RLN2: variants seen among roughly 807,000 people sequenced by gnomAD.
RLN2 encodes the protein relaxin 2.
A neutral mutation model predicts 7.3 loss-of-function variants in RLN2; 10 were observed. That is an observed-to-expected ratio of 1.36 (90% confidence interval 0.84 to 2.31). RLN2 has a LOEUF of 2.31. RLN2 is among the 30% of genes most tolerant of loss of function. The pLI, the probability that RLN2 is intolerant of heterozygous loss-of-function variation, is 0.00. For missense variants in RLN2, 298 were observed against 217.6 expected (o/e 1.37, Z -2.32); for synonymous variants, 103 against 82.3 (o/e 1.25, Z -1.36).
chr9:5,335,023 C>T, the RLN2 span: 1 of 397,664 alleles, frequency 2.5e-6, no homozygotes, highest in Non-Finnish European at 4.4e-6. Context: ...AAAGAATCAA[C>T]ACAATTATAC....
chr9:5,304,707 C>A lies in RLN2; in HGVS notation c.-127G>T, dbSNP rs537970949. The A allele has an allele frequency of 1.3e-5, 12 of 941,920 alleles. No individual in the cohort carries two copies. The South Asian group carries it at 1.4e-4, about 11-fold the overall frequency. The allele number at this position is 941,920 out of a possible 1,614,324, so 58.3% of individuals were successfully genotyped here. On this transcript the variant is annotated 5_prime_UTR_variant, in exon 1 of 2. Coordinates refer to ENST00000381627, the MANE Select transcript of RLN2 (RefSeq NM_134441.3). ...GGCTGCTTTCCCTACCCGGCTCAAG[C>A]GGTCTTTTGTATCCCTTGGGCTATC...
chr9:5,322,060 C>T, the RLN2 span, among the ~76,000 whole-genome samples: 8 of 151,988 alleles, frequency 5.3e-5, no homozygotes, highest in East Asian at 1.9e-4. Flanking sequence ...TGCCCAAATC[C>T]GAATGGATGG....
chr9:5,328,107 CTTCTCCTAGCTAAAGGAG>C, the RLN2 span, among the ~76,000 whole-genome samples: 23 of 151,940 alleles, frequency 1.5e-4, no homozygotes, highest in Admixed American at 2.0e-4. Context: ...TAATAACAAA[CTTCTCCTAGCTAAAGGAG>C]CATGTTCTAA....
chr9:5,304,201 C>T, intron 1 of RLN2, 169 bp downstream of exon 1: 1 of 534,646 alleles, frequency 1.9e-6, no homozygotes, highest in South Asian at 2.1e-5. Context: ...AATCACCTGG[C>T]AAAGGAAAAG....
At position 5,304,583 on chromosome 9, in the gene RLN2, T is replaced by A; in HGVS notation, c.-3A>T. The A allele has an allele frequency of 6.2e-7, 1 of 1,613,566 alleles. No homozygotes were observed. The highest frequency in any genetic ancestry group is 8.5e-7 in the Non-Finnish European group (1 of 1,179,672). ...TGGAAAAAAAACAGGCGAGGCATCCTGGGCCTGGTCTCTCCTGGAGGTCGG... is the reference window on the plus strand; with the variant it reads ...TGGAAAAAAAACAGGCGAGGCATCCAGGGCCTGGTCTCTCCTGGAGGTCGG... On this transcript the variant is annotated 5_prime_UTR_variant, in exon 1 of 2. Coordinates refer to ENST00000381627, the MANE Select transcript of RLN2 (RefSeq NM_134441.3).
At chr9:5,323,925 G>T in the RLN2 span, among the ~76,000 whole-genome samples, 1 of 151,952 alleles carries the variant, frequency 6.6e-6, no homozygotes, top group East Asian at 1.9e-4. Context: ...ATATGTGCCT[G>T]TAGTCCCAGC....
At chr9:5,335,630 G>A in the RLN2 span, 2 of 1,389,736 alleles carry the variant, frequency 1.4e-6, no homozygotes, top group Non-Finnish European at 2.0e-6. Flanking sequence ...GTATGTGAAG[G>A]CGTATTCACG....
chr9:5,324,559 C>T, the RLN2 span, among the ~76,000 whole-genome samples: 1 of 151,926 alleles, frequency 6.6e-6, no homozygotes, highest in African/African-American at 2.4e-5. Flanking sequence ...TATACTTGAA[C>T]TGAACCTAAC....
the RLN2 span, among the ~76,000 whole-genome samples, chr9:5,336,429 G>A: frequency 6.6e-6 from 1 of 152,046 alleles, no homozygotes; most frequent in African/African-American, 2.4e-5. Context: ...CTGGCCAAAT[G>A]TGAAGGCTGG....
At chr9:5,306,107 TTG>T (rs1438787295), upstream of RLN2, among the ~76,000 whole-genome samples, 217 of 139,186 alleles carry the variant, frequency 1.6e-3, 5 homozygotes, top group African/African-American at 5.8e-3. Flanking sequence ...TTTTTGTTTT[TTG>T]TTTTTTTTTT....
the RLN2 span, among the ~76,000 whole-genome samples, chr9:5,313,995 G>A: frequency 6.6e-6 from 1 of 151,908 alleles, no homozygotes; most frequent in Non-Finnish European, 1.5e-5. Context: ...GTAAGGAAGA[G>A]GACCACAGCA....
chr9:5,320,835 T>C, the RLN2 span, among the ~76,000 whole-genome samples: 4 of 152,122 alleles, frequency 2.6e-5, no homozygotes, highest in Non-Finnish European at 5.9e-5. Context: ...CTAGCTACTC[T>C]GTGCTGGAAG....
At chr9:5,302,918 TTTCA>T (rs2130992301) in intron 1 of RLN2, among the ~76,000 whole-genome samples, 1 of 146,958 alleles carries the variant, frequency 6.8e-6, no homozygotes, top group Non-Finnish European at 1.5e-5. Flanking sequence ...TTTAATATAA[TTTCA>T]TTTTCTCATA....
the RLN2 span, among the ~76,000 whole-genome samples, chr9:5,330,293 C>A: frequency 6.6e-6 from 1 of 151,860 alleles, no homozygotes; most frequent in South Asian, 2.1e-4. Flanking sequence ...ACTAAATGCC[C>A]ATAAAAGAAA....
chr9:5,305,917 G>A (rs1816239167), upstream of RLN2, among the ~76,000 whole-genome samples: 1 of 151,928 alleles, frequency 6.6e-6, no homozygotes, highest in Non-Finnish European at 1.5e-5. Context: ...GAGATGGTCA[G>A]ATGCAATCAA....
At chr9:5,323,418 T>G in the RLN2 span, among the ~76,000 whole-genome samples, 1 of 152,026 alleles carries the variant, frequency 6.6e-6, no homozygotes, top group Non-Finnish European at 1.5e-5. Flanking sequence ...AACAAATTCC[T>G]TGTCATCATC....
At chr9:5,337,842 T>C in the RLN2 span, among the ~76,000 whole-genome samples, 1,762 of 152,162 alleles carry the variant, frequency 0.012, 26 homozygotes, top group Non-Finnish European at 0.017. Context: ...AATATCTATA[T>C]ACAAATGTGA....
chr9:5,316,906 A>G, the RLN2 span, among the ~76,000 whole-genome samples: 1 of 152,118 alleles, frequency 6.6e-6, no homozygotes, highest in African/African-American at 2.4e-5. Flanking sequence ...TTAGAAATAC[A>G]TAATGTAAAA....
the RLN2 span, among the ~76,000 whole-genome samples, chr9:5,325,377 C>T: frequency 6.6e-6 from 1 of 151,930 alleles, no homozygotes; most frequent in South Asian, 2.1e-4. Context: ...TTCTAGAAAA[C>T]TGCATTAATT....
Sources: allele counts gnomAD v4.1 joint callset (sites outside exome capture counted in the v4.1 genomes callset), GRCh38; gene constraint gnomAD v4.1.1; transcripts MANE v1.5; gene names NCBI Gene and HGNC (gene_info 2026-07-23, HGNC 2026-07-21).